The following LINGO2 variants were observed in gnomAD, a reference collection of about 807,000 sequenced individuals.
LINGO2 encodes the protein leucine rich repeat and Ig domain containing 2.
Under a neutral mutation model 30.6 loss-of-function variants are expected in LINGO2, and 14 were observed. The observed-to-expected ratio is 0.46, with a 90% confidence interval of 0.30 to 0.72. The LOEUF (loss-of-function observed/expected upper bound fraction) is 0.72. Among genes scored for constraint, LINGO2 ranks in the 30% least tolerant of loss-of-function variants. The probability of loss-of-function intolerance (pLI) is 0.07; values close to 1 mark genes in which losing one functional copy is unlikely to be tolerated. For missense variants in LINGO2, 729 were observed against 751.7 expected, an observed-to-expected ratio of 0.97 and a Z score of 0.35; for synonymous variants, 317 against 288.5, an observed-to-expected ratio of 1.10 and a Z score of -1.00.
intron 1 of LINGO2, among the ~76,000 whole-genome samples, chr9:28,566,690 T>C (rs1012220419): frequency 1.3e-5 from 2 of 152,166 alleles, no homozygotes; most frequent in South Asian, 2.1e-4. Flanking sequence ...GATTGGCTAA[T>C]AAAATGAAAG....
At chr9:28,888,113 T>C in the LINGO2 span, among the ~76,000 whole-genome samples, 1,347 of 152,212 alleles carry the variant, frequency 8.8e-3, 27 homozygotes, top group African/African-American at 0.031. Flanking sequence ...CTAAGTGAAT[T>C]TGAAAGTATT....
chr9:28,200,916 A>G (rs1426171018), intron 4 of LINGO2, among the ~76,000 whole-genome samples: 1 of 152,166 alleles, frequency 6.6e-6, no homozygotes, highest in Non-Finnish European at 1.5e-5. Context: ...AAGATTAAAA[A>G]TAAATCAATA....
At chr9:28,179,838 T>C (rs1186089649) in intron 4 of LINGO2, among the ~76,000 whole-genome samples, 1 of 151,726 alleles carries the variant, frequency 6.6e-6, no homozygotes, top group African/African-American at 2.4e-5. Context: ...AAAAGAAAAC[T>C]GTAGTTTCTG....
intron 2 of LINGO2, among the ~76,000 whole-genome samples, chr9:28,436,692 C>T (rs1172645607): frequency 6.6e-6 from 1 of 152,132 alleles, no homozygotes; most frequent in South Asian, 2.1e-4. Context: ...CTCCTGACCT[C>T]GTGATCCGCC....
intron 4 of LINGO2, among the ~76,000 whole-genome samples, chr9:28,029,895 G>A (rs1053518032): frequency 2.6e-5 from 4 of 152,078 alleles, no homozygotes; most frequent in Admixed American, 6.5e-5. Flanking sequence ...AGGTCAGAAA[G>A]GCACAATAAT....
chr9:28,030,349 T>C (rs1176910019), intron 4 of LINGO2, among the ~76,000 whole-genome samples: 2 of 152,178 alleles, frequency 1.3e-5, no homozygotes, highest in East Asian at 3.9e-4. Flanking sequence ...ATGTAGTTTT[T>C]ATTAATAAGT....
At chr9:28,687,102 A>G in the LINGO2 span, among the ~76,000 whole-genome samples, 1 of 152,102 alleles carries the variant, frequency 6.6e-6, no homozygotes, top group African/African-American at 2.4e-5. Context: ...TAAACATTAT[A>G]ACCCAGAAAC....
At chr9:28,619,473 T>C (rs1826292461) in intron 1 of LINGO2, among the ~76,000 whole-genome samples, 1 of 152,116 alleles carries the variant, frequency 6.6e-6, no homozygotes, top group Non-Finnish European at 1.5e-5. Context: ...TACAGACTTA[T>C]TGGAAACGAT....
chr9:28,383,812 T>A (rs1343400218), intron 2 of LINGO2, among the ~76,000 whole-genome samples: 1 of 152,100 alleles, frequency 6.6e-6, no homozygotes, highest in Non-Finnish European at 1.5e-5. Flanking sequence ...GAGATTTTAA[T>A]ATAAGGAAGC....
intron 4 of LINGO2, among the ~76,000 whole-genome samples, chr9:28,193,169 A>G (rs1819882855): frequency 6.6e-6 from 1 of 152,170 alleles, no homozygotes; most frequent in African/African-American, 2.4e-5. Context: ...ATAGCTAATG[A>G]TATTATTATA....
intron 4 of LINGO2, among the ~76,000 whole-genome samples, chr9:28,189,705 A>G (rs1233977873): frequency 3.6e-4 from 46 of 129,528 alleles, no homozygotes; most frequent in African/African-American, 1.1e-3. Context: ...GGGAGGGAGG[A>G]AGGAAGGAAG....
the LINGO2 span, among the ~76,000 whole-genome samples, chr9:29,129,148 T>C: frequency 1.3e-5 from 2 of 152,108 alleles, no homozygotes. Flanking sequence ...ACTAATTTAA[T>C]GTTGTTAGCT....
Position 28,147,243 on chromosome 9 carries a change from A to C in LINGO2, c.-86-134838T>G, listed in dbSNP as rs534006378. Among the ~76,000 whole-genome samples the C allele has an allele frequency of 2.6e-5, 4 of 152,348 alleles. No individual in the cohort carries two copies. The South Asian group carries it at 8.3e-4, about 32-fold the overall frequency. On this transcript the variant is annotated intron_variant, in intron 4 of 5. Transcript: ENST00000379992. The surrounding 1 kb of genome is among the most constrained non-coding windows in gnomAD (Gnocchi z 4.7). ...TGTTGTATCCATGATCATGAGGCAC[A>C]CAGGCCAGAGCGCCAGCTGTGGAAT...
the LINGO2 span, among the ~76,000 whole-genome samples, chr9:29,075,847 G>C: frequency 6.6e-6 from 1 of 152,040 alleles, no homozygotes; most frequent in Non-Finnish European, 1.5e-5. Context: ...AGTGGTAGTG[G>C]TAACTCTCCT....
the LINGO2 span, among the ~76,000 whole-genome samples, chr9:29,055,938 G>GTATATA: frequency 2.0e-5 from 2 of 99,818 alleles, no homozygotes; most frequent in African/African-American, 4.1e-5. Flanking sequence ...GTATGTGTGT[G>GTATATA]TGTATATATA....
intron 4 of LINGO2, among the ~76,000 whole-genome samples, chr9:28,214,666 A>T (rs1042053590): frequency 1.3e-5 from 2 of 151,636 alleles, no homozygotes; most frequent in African/African-American, 4.8e-5. Context: ...AAATAGTGTC[A>T]TCTACTAATG....
At chr9:28,233,118 ATG>A (rs1159356870) in intron 4 of LINGO2, among the ~76,000 whole-genome samples, 1 of 142,664 alleles carries the variant, frequency 7.0e-6, no homozygotes, top group Non-Finnish European at 1.5e-5. Flanking sequence ...GGGGGGGTCT[ATG>A]TGTGTGTGTA....
the LINGO2 span, among the ~76,000 whole-genome samples, chr9:29,152,696 T>C: frequency 6.6e-6 from 1 of 152,166 alleles, no homozygotes; most frequent in East Asian, 1.9e-4. Context: ...CATACTATGC[T>C]CACTACCTGG....
At chr9:28,031,441 T>C (rs543263413) in intron 4 of LINGO2, among the ~76,000 whole-genome samples, 1 of 151,910 alleles carries the variant, frequency 6.6e-6, no homozygotes, top group African/African-American at 2.4e-5. Context: ...TATGTTTACA[T>C]TGTGGAATGA....
Sources: allele counts gnomAD v4.1 joint callset (sites outside exome capture counted in the v4.1 genomes callset), GRCh38; gene constraint gnomAD v4.1.1; non-coding constraint Gnocchi (gnomAD v3.1); transcripts MANE v1.5; gene names NCBI Gene and HGNC (gene_info 2026-07-23, HGNC 2026-07-21).